Variants in STXBP5L observed in about 807,000 individuals in gnomAD.
STXBP5L encodes the protein syntaxin-binding protein 5-like.
In STXBP5L, 65 loss-of-function variants were observed where a neutral mutation model predicts 144.5. The ratio of observed to expected loss-of-function variants is 0.45; its 90% CI spans 0.37 to 0.55. The LOEUF (loss-of-function observed/expected upper bound fraction) is 0.55, where lower values mean the gene tolerates loss of function less well. Among genes scored for constraint, STXBP5L ranks in the 20% least tolerant of loss-of-function variants. The pLI, the probability that STXBP5L is intolerant of heterozygous loss-of-function variation, is 0.00. For synonymous variants in STXBP5L, 505 were observed against 469.6 expected (o/e 1.08, Z -0.97); for missense variants, 1,298 against 1,405.5 (o/e 0.92, Z 1.22).
At chr3:121,378,684 A>G (rs773953990) in intron 20 of STXBP5L, 32 bp from the exon 21 acceptor site, 1 of 1,604,658 alleles carries the variant, frequency 6.2e-7, no homozygotes, top group Admixed American at 1.7e-5. Flanking sequence ...GTTAATCATT[A>G]TATGTATGCT....
intron 4 of STXBP5L, among the ~76,000 whole-genome samples, 186 bp from the exon 5 acceptor site, chr3:121,045,249 G>T (rs184380749): frequency 1.3e-4 from 19 of 152,000 alleles, no homozygotes; most frequent in African/African-American, 4.3e-4. Flanking sequence ...TGGGTCAGTT[G>T]CCTCTTCTAC....
intron 20 of STXBP5L, among the ~76,000 whole-genome samples, chr3:121,364,001 T>C (rs934765148): frequency 3.9e-5 from 6 of 152,218 alleles, no homozygotes; most frequent in Non-Finnish European, 8.8e-5. Context: ...TTTTACTCTG[T>C]TGATAGTGTC....
At chr3:121,076,943 G>A (rs1180098851) in intron 5 of STXBP5L, among the ~76,000 whole-genome samples, 7 of 152,066 alleles carry the variant, frequency 4.6e-5, no homozygotes, top group African/African-American at 1.2e-4. Context: ...GCTAGCTGCA[G>A]CTGTGGAACT....
At chr3:120,991,591 A>G (rs1296488626) in intron 3 of STXBP5L, among the ~76,000 whole-genome samples, 4 of 152,206 alleles carry the variant, frequency 2.6e-5, no homozygotes, top group Non-Finnish European at 5.9e-5. Flanking sequence ...CAAATGTCCA[A>G]CAATGATAGA....
chr3:120,954,298 T>C (rs995557011), intron 2 of STXBP5L, among the ~76,000 whole-genome samples: 1 of 152,162 alleles, frequency 6.6e-6, no homozygotes, highest in Non-Finnish European at 1.5e-5. Context: ...CTAATGTATA[T>C]GCTTGTGTAA....
At chr3:121,057,480 A>T (rs924158089) in intron 5 of STXBP5L, among the ~76,000 whole-genome samples, 2 of 152,048 alleles carry the variant, frequency 1.3e-5, no homozygotes, top group Non-Finnish European at 2.9e-5. Flanking sequence ...AAACTCCCCT[A>T]TGTTACCTTC....
At chr3:120,966,502 C>T (rs1939594377) in intron 3 of STXBP5L, among the ~76,000 whole-genome samples, 1 of 152,148 alleles carries the variant, frequency 6.6e-6, no homozygotes, top group Admixed American at 6.6e-5. Flanking sequence ...GATGCTATTC[C>T]TTTCTGTTTG....
At chr3:121,031,022 CAA>C (rs1287871084) in intron 3 of STXBP5L, among the ~76,000 whole-genome samples, 1 of 152,028 alleles carries the variant, frequency 6.6e-6, no homozygotes, top group Non-Finnish European at 1.5e-5. Context: ...ACTCTTAAAA[CAA>C]ATTATGATCT....
chr3:121,168,534 C>G (rs559702438), intron 9 of STXBP5L, among the ~76,000 whole-genome samples: 2 of 152,164 alleles, frequency 1.3e-5, no homozygotes, highest in Admixed American at 6.5e-5. Flanking sequence ...ACGAGAACTT[C>G]GTGAAGCATA....
intron 9 of STXBP5L, among the ~76,000 whole-genome samples, chr3:121,165,940 C>G (rs2046482931): frequency 1.4e-5 from 2 of 144,278 alleles, no homozygotes; most frequent in Non-Finnish European, 3.0e-5. Context: ...AAAGTTACCG[C>G]TATTTTCTCT....
chr3:121,264,398 TAAA>T (rs760453416), intron 18 of STXBP5L, among the ~76,000 whole-genome samples: 5 of 151,694 alleles, frequency 3.3e-5, no homozygotes, highest in Non-Finnish European at 5.9e-5. Flanking sequence ...CAGCACAAAG[TAAA>T]CATACCCATT....
chr3:121,070,411 G>T (rs2041755180), intron 5 of STXBP5L, among the ~76,000 whole-genome samples: 1 of 152,142 alleles, frequency 6.6e-6, no homozygotes, highest in Non-Finnish European at 1.5e-5. Flanking sequence ...AGAGAAGACA[G>T]GCTGTTAGTA....
chr3:121,358,419 G>A (rs982861901), intron 20 of STXBP5L, among the ~76,000 whole-genome samples: 2 of 152,138 alleles, frequency 1.3e-5, no homozygotes, highest in Admixed American at 6.6e-5. Context: ...TACTCATGGT[G>A]GACAGTGAAG....
intron 9 of STXBP5L, among the ~76,000 whole-genome samples, chr3:121,181,827 G>C (rs932994236): frequency 6.6e-6 from 1 of 151,948 alleles, no homozygotes; most frequent in South Asian, 2.1e-4. Flanking sequence ...AACACATAAG[G>C]ACTCACATAA....
At chr3:121,278,456 G>C (rs1453006428) in intron 18 of STXBP5L, among the ~76,000 whole-genome samples, 2 of 151,730 alleles carry the variant, frequency 1.3e-5, no homozygotes, top group African/African-American at 4.8e-5. Context: ...ATGCATCCTA[G>C]TTGCCTACAT....
At chr3:121,162,443 G>GT (rs2046357883) in intron 9 of STXBP5L, among the ~76,000 whole-genome samples, 1 of 152,030 alleles carries the variant, frequency 6.6e-6, no homozygotes, top group Non-Finnish European at 1.5e-5. Flanking sequence ...AGACTTAAAC[G>GT]TAAGACCTAA....
intron 24 of STXBP5L, 105 bp from the exon 25 acceptor site, chr3:121,415,752 A>C: frequency 3.3e-6 from 2 of 613,374 alleles, no homozygotes; most frequent in East Asian, 3.2e-5. Context: ...TATGAAAAGC[A>C]GACTGTTTTT....
At chr3:120,975,325 CAT>C in intron 3 of STXBP5L, among the ~76,000 whole-genome samples, 1 of 152,232 alleles carries the variant, frequency 6.6e-6, no homozygotes, top group South Asian at 2.1e-4. Flanking sequence ...GGAGTTCACT[CAT>C]GATTTGGCTC....
intron 7 of STXBP5L, among the ~76,000 whole-genome samples, chr3:121,126,313 A>G (rs1408790469): frequency 1.3e-5 from 2 of 152,200 alleles, no homozygotes; most frequent in African/African-American, 4.8e-5. Context: ...GTAAGAGTAA[A>G]GCTGAGCAGT....
Sources: allele counts gnomAD v4.1 joint callset (sites outside exome capture counted in the v4.1 genomes callset), GRCh38; gene constraint gnomAD v4.1.1; transcripts MANE v1.5; gene names NCBI Gene and HGNC (gene_info 2026-07-23, HGNC 2026-07-21).